Variants in JAM2 observed in about 807,000 individuals in gnomAD.
JAM2 encodes the protein junctional adhesion molecule B.
JAM2 carries 17 observed loss-of-function variants against 42.0 expected under a neutral mutation model. The ratio of observed to expected loss-of-function variants is 0.40; its 90% CI spans 0.28 to 0.61. The LOEUF is 0.61. Among genes scored for constraint, JAM2 ranks in the 20% least tolerant of loss-of-function variants. The pLI is 0.37. For missense variants in JAM2, 319 were observed against 358.3 expected, an observed-to-expected ratio of 0.89 and a Z score of 0.89; for synonymous variants, 118 against 128.6, an observed-to-expected ratio of 0.92 and a Z score of 0.56.
chr21:25,711,393 T>A (rs961149771), intron 8 of JAM2: 2 of 456,032 alleles, frequency 4.4e-6, no homozygotes, highest in Non-Finnish European at 8.8e-6. Flanking sequence ...TTTGGCTCTA[T>A]GGGCGTAGAG....
At chr21:25,710,854 T>C (rs911755255) in intron 8 of JAM2, among the ~76,000 whole-genome samples, 4 of 152,212 alleles carry the variant, frequency 2.6e-5, no homozygotes, top group Non-Finnish European at 5.9e-5. Flanking sequence ...CTGGCTTCTC[T>C]GTTAAGAATA....
intron 3 of JAM2, among the ~76,000 whole-genome samples, chr21:25,691,522 C>T (rs906319162): frequency 1.3e-5 from 2 of 152,266 alleles, no homozygotes; most frequent in East Asian, 1.9e-4. Flanking sequence ...ACACCGGGTG[C>T]AAAACACTAT....
rs8129913 is a variant in JAM2 at position 25,692,027 on chromosome 21, C to A, written c.242-1729C>A. ...GTCTCAAAAAAAAAAAAAAAATTTA[C>A]ATACATAATGTGGAAGGGCCTCAGT... On this transcript the variant is annotated intron_variant, in intron 3 of 9. Coordinates refer to ENST00000480456, the MANE Select transcript of JAM2 (RefSeq NM_021219.4). Among the ~76,000 whole-genome samples the A allele has an allele frequency of 4.0e-5, 6 of 150,372 alleles. No individual in the cohort carries two copies. In the East Asian group the frequency reaches 9.8e-4, roughly 25 times the overall value.
At chr21:25,702,760 A>T (rs1038161548) in intron 6 of JAM2, among the ~76,000 whole-genome samples, 2 of 152,212 alleles carry the variant, frequency 1.3e-5, no homozygotes, top group Non-Finnish European at 2.9e-5. Flanking sequence ...ATTTAAAAAA[A>T]TTCATCACAA....
chr21:25,679,037 C>G (rs1261967782), intron 1 of JAM2, among the ~76,000 whole-genome samples: 1 of 152,196 alleles, frequency 6.6e-6, no homozygotes, highest in Non-Finnish European at 1.5e-5. Flanking sequence ...CTCCTGGCCT[C>G]AAGTGATCCT....
chr21:25,704,164 GA>G (rs1212612551), intron 6 of JAM2, among the ~76,000 whole-genome samples: 1 of 151,940 alleles, frequency 6.6e-6, no homozygotes, highest in Admixed American at 6.5e-5. Context: ...TGGTTCTCAG[GA>G]ATTTCACTTA....
intron 1 of JAM2, among the ~76,000 whole-genome samples, chr21:25,641,893 T>C (rs2032455167): frequency 6.6e-6 from 1 of 151,996 alleles, no homozygotes; most frequent in Non-Finnish European, 1.5e-5. Flanking sequence ...GTTTGAGGAG[T>C]TCTGGTCAAG....
At chr21:25,652,510 G>A (rs1431948485) in intron 1 of JAM2, among the ~76,000 whole-genome samples, 2 of 152,068 alleles carry the variant, frequency 1.3e-5, no homozygotes, top group East Asian at 3.9e-4. Flanking sequence ...CCACCAAACA[G>A]TAGAATATAT....
rs891996573 is a variant in JAM2, at chr21:25,717,394, CTTTGT to C, written c.*2731_*2735del. The C allele has an allele frequency of 4.8e-5, 14 of 290,274 alleles. No individual in the cohort carries two copies. Among genetic ancestry groups the C allele is most frequent in the Middle Eastern group, 9.7e-4 (1 of 1,036 alleles). The allele number at this position is 290,274 out of a possible 1,614,324, so 18.0% of individuals were successfully genotyped here. On this transcript the variant is annotated 3_prime_UTR_variant, in exon 10 of 10. Transcript: ENST00000480456. ...AGGGCTTTAAAATCTTATTAGCAAG[CTTTGT>C]TTTGTTTTAATTATTGTTGCTGTTG...
intron 1 of JAM2, among the ~76,000 whole-genome samples, chr21:25,671,794 C>G (rs2033368651): frequency 6.6e-6 from 1 of 152,246 alleles, no homozygotes. Flanking sequence ...CAGGCATGAG[C>G]CACTGCGCCC....
intron 5 of JAM2, among the ~76,000 whole-genome samples, chr21:25,699,841 C>T (rs781545995): frequency 6.7e-5 from 10 of 149,986 alleles, no homozygotes; most frequent in Non-Finnish European, 1.5e-4. Context: ...CTACAGCTGT[C>T]TTCTGGCCTG....
At chr21:25,658,676 A>C (rs1363897885) in intron 1 of JAM2, among the ~76,000 whole-genome samples, 1 of 152,178 alleles carries the variant, frequency 6.6e-6, no homozygotes, top group East Asian at 1.9e-4. Context: ...GATCAGGGTG[A>C]ATTGTTGGGT....
At chr21:25,693,450 G>A (rs946748863) in intron 3 of JAM2, among the ~76,000 whole-genome samples, 1 of 152,002 alleles carries the variant, frequency 6.6e-6, no homozygotes, top group African/African-American at 2.4e-5. Flanking sequence ...GTAGAGACAG[G>A]GTTTCACCAT....
chr21:25,654,099 T>A (rs2123320647), intron 1 of JAM2, among the ~76,000 whole-genome samples: 1 of 152,344 alleles, frequency 6.6e-6, no homozygotes, highest in East Asian at 1.9e-4. Context: ...CTGCTTTCTT[T>A]TAGGCATGTA....
At chr21:25,645,546 G>A (rs1380782478) in intron 1 of JAM2, among the ~76,000 whole-genome samples, 2 of 152,184 alleles carry the variant, frequency 1.3e-5, no homozygotes, top group African/African-American at 4.8e-5. Flanking sequence ...TATTGGAGTA[G>A]TCCAGGCAAT....
chr21:25,709,548 T>A, intron 8 of JAM2, 99 bp downstream of exon 8: 1 of 760,424 alleles, frequency 1.3e-6, no homozygotes, highest in Non-Finnish European at 2.2e-6. Context: ...GGGTTATTTG[T>A]GTAGGTTTAC....
rs1306722227 is a variant in JAM2, at chr21:25,661,321, G to A, written c.67+21433G>A. Among the ~76,000 whole-genome samples the A allele has an allele frequency of 3.3e-5, 5 of 152,152 alleles. No individual in the cohort carries two copies. The East Asian group carries it at 9.7e-4, about 30-fold the overall frequency. Reference sequence around the variant, plus strand: ...AGTAAACATTTAAGAAAATTTGCTAGGCATGGTGGTGCATGCCTATAGTCC... The same window carrying A: ...AGTAAACATTTAAGAAAATTTGCTAAGCATGGTGGTGCATGCCTATAGTCC... On this transcript the variant is annotated intron_variant, in intron 1 of 9. Coordinates refer to ENST00000480456, the MANE Select transcript of JAM2 (RefSeq NM_021219.4).
intron 2 of JAM2, among the ~76,000 whole-genome samples, chr21:25,686,626 G>A (rs2033757433): frequency 6.6e-6 from 1 of 152,194 alleles, no homozygotes; most frequent in African/African-American, 2.4e-5. Flanking sequence ...AATTACATGA[G>A]CAGCCCTCTG....
intron 1 of JAM2, among the ~76,000 whole-genome samples, chr21:25,669,844 C>A (rs1250511194): frequency 1.3e-5 from 2 of 152,142 alleles, no homozygotes; most frequent in East Asian, 3.8e-4. Flanking sequence ...TTGCTAGACT[C>A]TAATGTTGTC....
Sources: gnomAD v4.1 joint callset for allele counts (sites outside exome capture counted in the v4.1 genomes callset) on GRCh38, gnomAD v4.1.1 for gene constraint, MANE v1.5 for transcripts, NCBI Gene and HGNC (gene_info 2026-07-23, HGNC 2026-07-21) for gene names.